The following ZFAT variants were observed in gnomAD, a reference collection of about 807,000 sequenced individuals.
ZFAT encodes the protein zinc finger protein ZFAT.
ZFAT carries 64 observed loss-of-function variants against 117.7 expected under a neutral mutation model. That is an observed-to-expected ratio of 0.54 (90% CI 0.44 to 0.67). ZFAT has a LOEUF of 0.67. Ranked by LOEUF, ZFAT falls within the 30% of genes least tolerant of loss-of-function variation. The probability of loss-of-function intolerance (pLI) is 0.00; values close to 1 mark genes in which losing one functional copy is unlikely to be tolerated. For missense variants in ZFAT, 1,433 were observed against 1,584.5 expected, an observed-to-expected ratio of 0.90 and a Z score of 1.62; for synonymous variants, 679 against 615.0, an observed-to-expected ratio of 1.10 and a Z score of -1.54.
intron 3 of ZFAT, among the ~76,000 whole-genome samples, chr8:134,615,161 C>T (rs999207531): frequency 4.6e-5 from 7 of 152,100 alleles, no homozygotes; most frequent in South Asian, 2.1e-4. Context: ...ATGGCCCAAA[C>T]GTGACTCTGG....
At chr8:134,690,935 A>G (rs10109555) in intron 1 of ZFAT, among the ~76,000 whole-genome samples, 1 of 152,328 alleles carries the variant, frequency 6.6e-6, no homozygotes, top group Non-Finnish European at 1.5e-5. Context: ...GACTCTCCCC[A>G]CCAGGAACAT....
intron 3 of ZFAT, among the ~76,000 whole-genome samples, chr8:134,617,471 A>G (rs891336788): frequency 5.3e-5 from 8 of 152,232 alleles, no homozygotes; most frequent in Non-Finnish European, 1.0e-4. Flanking sequence ...TTAAGATTAG[A>G]TATTTCTTGG....
the ZFAT span, among the ~76,000 whole-genome samples, chr8:134,820,852 T>C: frequency 1.3e-5 from 2 of 152,208 alleles, no homozygotes; most frequent in African/African-American, 4.8e-5. Context: ...ATTGGTAGTA[T>C]TTATACACCA....
the ZFAT span, among the ~76,000 whole-genome samples, chr8:134,819,367 AAAAGT>A: frequency 2.6e-5 from 4 of 152,138 alleles, no homozygotes; most frequent in African/African-American, 4.8e-5. Flanking sequence ...ACAGCAAAAG[AAAAGT>A]AATCACTTTT....
At chr8:134,489,231 AGG>A (rs964813730) in intron 15 of ZFAT, among the ~76,000 whole-genome samples, 14 of 152,212 alleles carry the variant, frequency 9.2e-5, no homozygotes, top group East Asian at 5.8e-4. Context: ...TAGGGAGGCC[AGG>A]GACAGTCTGG....
intron 12 of ZFAT, among the ~76,000 whole-genome samples, chr8:134,525,815 T>A (rs560936271): frequency 6.6e-6 from 1 of 152,374 alleles, no homozygotes; most frequent in East Asian, 1.9e-4. Context: ...CACTAAATTC[T>A]TAAATTCTAG....
the ZFAT span, among the ~76,000 whole-genome samples, chr8:134,757,509 C>T: frequency 6.6e-6 from 1 of 152,182 alleles, no homozygotes; most frequent in Admixed American, 6.5e-5. Context: ...TGGAAGATTC[C>T]ACCACTTGTG....
chr8:134,652,419 A>G (rs559446093), intron 2 of ZFAT, among the ~76,000 whole-genome samples: 1 of 152,348 alleles, frequency 6.6e-6, no homozygotes, highest in African/African-American at 2.4e-5. Context: ...TGGAGATGGA[A>G]TGGATGCAGA....
chr8:134,688,822 G>A (rs1407443363), intron 1 of ZFAT, among the ~76,000 whole-genome samples: 1 of 152,190 alleles, frequency 6.6e-6, no homozygotes, highest in Non-Finnish European at 1.5e-5. Context: ...AGAGCTTGCT[G>A]CAGCCTCAGG....
At chr8:134,702,538 G>T (rs1339299463) in intron 1 of ZFAT, among the ~76,000 whole-genome samples, 1 of 152,092 alleles carries the variant, frequency 6.6e-6, no homozygotes, top group African/African-American at 2.4e-5. Flanking sequence ...TTCATAAGAG[G>T]TTTCCCCTTT....
chr8:134,690,892 A>G (rs1833552068), intron 1 of ZFAT, among the ~76,000 whole-genome samples: 2 of 152,244 alleles, frequency 1.3e-5, no homozygotes, highest in African/African-American at 4.8e-5. Flanking sequence ...GTCACTCACC[A>G]TGCTAGGTGC....
At chr8:134,717,072 A>G (rs1435310315), upstream of ZFAT, among the ~76,000 whole-genome samples, 2 of 152,190 alleles carry the variant, frequency 1.3e-5, no homozygotes, top group African/African-American at 4.8e-5. Flanking sequence ...GTTGGAAGTT[A>G]ATGGATTAGC....
chr8:134,661,378 A>C (rs1018363232), intron 1 of ZFAT, among the ~76,000 whole-genome samples: 1 of 152,200 alleles, frequency 6.6e-6, no homozygotes, highest in African/African-American at 2.4e-5. Context: ...CCAGCAGAGC[A>C]AAGGCAAGGA....
intron 2 of ZFAT, among the ~76,000 whole-genome samples, chr8:134,644,807 G>A (rs11166650): frequency 0.29 from 43,541 of 150,902 alleles, 6,910 homozygotes; most frequent in South Asian, 0.53. Flanking sequence ...ATGCACACTC[G>A]CATGCGCACA....
chr8:134,557,998 C>A (rs1242348668), intron 11 of ZFAT, among the ~76,000 whole-genome samples: 2 of 152,216 alleles, frequency 1.3e-5, no homozygotes, highest in African/African-American at 4.8e-5. Context: ...GGCTGTGGGG[C>A]CCCTGCATCA....
chr8:134,713,390 C>T (rs925320965), upstream of ZFAT, among the ~76,000 whole-genome samples: 1 of 152,252 alleles, frequency 6.6e-6, no homozygotes, highest in African/African-American at 2.4e-5. Context: ...CACTACCTAA[C>T]TTGGGGCAGC....
chr8:134,529,513 G>A (rs1275710268), intron 12 of ZFAT, among the ~76,000 whole-genome samples: 5 of 152,148 alleles, frequency 3.3e-5, no homozygotes, highest in Non-Finnish European at 5.9e-5. Flanking sequence ...CAAAGCATCA[G>A]ATGCACATAA....
chr8:134,620,007 C>G (rs1362935595), intron 3 of ZFAT, among the ~76,000 whole-genome samples: 3 of 152,190 alleles, frequency 2.0e-5, no homozygotes, highest in East Asian at 3.9e-4. Context: ...AGCCGAACAG[C>G]TGGCTCCACA....
At chr8:134,788,116 A>T in the ZFAT span, among the ~76,000 whole-genome samples, 1 of 152,160 alleles carries the variant, frequency 6.6e-6, no homozygotes, top group Non-Finnish European at 1.5e-5. Context: ...TTTAGACTTC[A>T]AAGAACCAAC....
Sources: allele counts gnomAD v4.1 joint callset (sites outside exome capture counted in the v4.1 genomes callset), GRCh38; gene constraint gnomAD v4.1.1; transcripts MANE v1.5; gene names NCBI Gene and HGNC (gene_info 2026-07-23, HGNC 2026-07-21).